Variants in RAF1 observed in about 807,000 individuals in gnomAD.
RAF1 encodes the protein Raf-1 proto-oncogene, serine/threonine kinase.
A neutral mutation model predicts 81.1 loss-of-function variants in RAF1; 27 were observed. That is an observed-to-expected ratio of 0.33 (90% confidence interval 0.25 to 0.46). The LOEUF is 0.46. RAF1 is among the 20% of genes least tolerant of loss of function. RAF1 has a pLI of 1.00. For synonymous variants in RAF1, 298 were observed against 294.0 expected (o/e 1.01, Z -0.14); for missense variants, 598 against 826.0 (o/e 0.72, Z 3.38).
At chr3:12,635,984 CATT>C (rs2060016641) in intron 1 of RAF1, among the ~76,000 whole-genome samples, 1 of 141,806 alleles carries the variant, frequency 7.1e-6, no homozygotes, top group Non-Finnish European at 1.5e-5. Flanking sequence ...AAAAAAAAAA[CATT>C]AATAATGTTG....
At chr3:12,590,327 CTTT>C (rs11285580) in intron 13 of RAF1, 48 of 149,916 alleles carry the variant, frequency 3.2e-4, no homozygotes, top group South Asian at 1.1e-3. Context: ...CTGAACTTCT[CTTT>C]TTTTTTTTTT....
chr3:12,633,289 T>G (rs1203982237), intron 1 of RAF1, among the ~76,000 whole-genome samples: 1 of 151,842 alleles, frequency 6.6e-6, no homozygotes, highest in East Asian at 1.9e-4. Context: ...AAGACCAGCC[T>G]GGACAACACA....
chr3:12,595,696 C>T (rs1297858058), intron 11 of RAF1, among the ~76,000 whole-genome samples: 15 of 152,098 alleles, frequency 9.9e-5, no homozygotes, highest in Admixed American at 9.8e-4. Flanking sequence ...CACCCACCCT[C>T]GCCCTCCATG....
chr3:12,615,673 A>G (rs1426390750), intron 2 of RAF1, among the ~76,000 whole-genome samples: 5 of 152,196 alleles, frequency 3.3e-5, no homozygotes, highest in East Asian at 1.9e-4. Flanking sequence ...CATAAGCTGT[A>G]GGAGAAGTCA....
chr3:12,600,307 C>G, intron 9 of RAF1, 28 bp from the exon 9 acceptor site: 1 of 1,614,072 alleles, frequency 6.2e-7, no homozygotes, highest in South Asian at 1.1e-5. Context: ...ACAGAAGCCA[C>G]ACAAGGATAA....
intron 1 of RAF1, 125 bp from the exon 2 acceptor site, chr3:12,618,872 A>T (rs2059459342): frequency 1.4e-6 from 1 of 732,026 alleles, no homozygotes; most frequent in Non-Finnish European, 2.3e-6. Flanking sequence ...TGCATTCATC[A>T]GCAAAGAAAA....
intron 11 of RAF1, among the ~76,000 whole-genome samples, chr3:12,598,741 A>AAAAAAAAAAAC (rs2058764776): frequency 6.7e-6 from 1 of 149,498 alleles, no homozygotes; most frequent in South Asian, 2.1e-4. Flanking sequence ...AAAAAAAAAA[A>AAAAAAAAAAAC]AAAAAAAAAA....
At chr3:12,646,554 T>C (rs981424532) in intron 1 of RAF1, among the ~76,000 whole-genome samples, 2 of 140,682 alleles carry the variant, frequency 1.4e-5, no homozygotes, top group Non-Finnish European at 3.0e-5. Context: ...TTTGTATTTG[T>C]CTTTTTTTTT....
chr3:12,644,936 A>G (rs2060298310), intron 1 of RAF1, among the ~76,000 whole-genome samples: 1 of 151,870 alleles, frequency 6.6e-6, no homozygotes, highest in South Asian at 2.1e-4. Flanking sequence ...CGTCTCTACT[A>G]AAGATACAAA....
chr3:12,648,836 C>T (rs1328452554), intron 1 of RAF1, among the ~76,000 whole-genome samples: 2 of 152,272 alleles, frequency 1.3e-5, no homozygotes, highest in Admixed American at 6.5e-5. Context: ...TCCCATCGGC[C>T]GGATGCGGTG....
intron 2 of RAF1, among the ~76,000 whole-genome samples, chr3:12,613,424 C>A (rs2059278623): frequency 6.6e-6 from 1 of 151,738 alleles, no homozygotes; most frequent in Admixed American, 6.6e-5. Flanking sequence ...CCGCCATCCC[C>A]CCCCACACCC....
At chr3:12,644,121 C>T (rs1412615807) in intron 1 of RAF1, among the ~76,000 whole-genome samples, 1 of 152,054 alleles carries the variant, frequency 6.6e-6, no homozygotes, top group African/African-American at 2.4e-5. Context: ...GTTCAAGGTG[C>T]AAGATTATTA....
intron 11 of RAF1, among the ~76,000 whole-genome samples, chr3:12,595,558 C>G (rs1349125286): frequency 6.6e-6 from 1 of 152,084 alleles, no homozygotes; most frequent in African/African-American, 2.4e-5. Context: ...TACCACTGGA[C>G]CTCACTCCTA....
At chr3:12,627,788 C>T (rs932575518) in intron 1 of RAF1, among the ~76,000 whole-genome samples, 1 of 152,184 alleles carries the variant, frequency 6.6e-6, no homozygotes, top group Admixed American at 6.5e-5. Flanking sequence ...TATAATCTCT[C>T]AACTGCATTT....
At chr3:12,647,691 C>A (rs1306815484) in intron 1 of RAF1, among the ~76,000 whole-genome samples, 1 of 152,186 alleles carries the variant, frequency 6.6e-6, no homozygotes, top group Non-Finnish European at 1.5e-5. Context: ...TTCTGCTGAG[C>A]AAATATGCTC....
intron 13 of RAF1, 200 bp from the exon 13 acceptor site, chr3:12,587,837 CTTTT>C (rs374515740): frequency 2.8e-3 from 550 of 194,144 alleles, no homozygotes; most frequent in South Asian, 5.4e-3. Context: ...ATGCTTACAC[CTTTT>C]TTTTTTTTTT....
At chr3:12,646,391 T>C (rs889508124) in intron 1 of RAF1, among the ~76,000 whole-genome samples, 3 of 152,168 alleles carry the variant, frequency 2.0e-5, no homozygotes, top group African/African-American at 7.2e-5. Flanking sequence ...AGTCTTTTTT[T>C]TGAGGTGGAG....
intron 3 of RAF1, among the ~76,000 whole-genome samples, chr3:12,610,637 T>C (rs2059181308): frequency 1.3e-5 from 2 of 152,162 alleles, no homozygotes; most frequent in African/African-American, 4.8e-5. Flanking sequence ...GCCTCCTAAA[T>C]TGAGAATTAC....
rs1294314820 is a variant in RAF1, at chr3:12,590,920, G to A, written c.1308C>T (p.Asn436=). Residue 436 remains asparagine (N), a synonymous_variant, in exon 13 of 18, where the codon AAC becomes AAT. Transcript: ENST00000442415. ...CGCACCACTGGGTCACAATTGCCAG[G>A]TTGTCCTTTGTCATGTACCCCATGA... 6.2e-7 allele frequency: 1 copy of A among 1,613,748 alleles called. No homozygotes were observed. The highest frequency in any genetic ancestry group is 1.7e-5 in the Admixed American group (1 of 60,012).
Sources: allele counts gnomAD v4.1 joint callset (sites outside exome capture counted in the v4.1 genomes callset), GRCh38; gene constraint gnomAD v4.1.1; transcripts MANE v1.5; gene names NCBI Gene and HGNC (gene_info 2026-07-23, HGNC 2026-07-21).